SHROOM4: variants seen among roughly 807,000 people sequenced by gnomAD.
SHROOM4 encodes the protein protein Shroom4.
A neutral mutation model predicts 80.3 loss-of-function variants in SHROOM4; 17 were observed. The ratio of observed to expected loss-of-function variants is 0.21; its 90% CI spans 0.14 to 0.32. SHROOM4 has a LOEUF of 0.32. Ranked by LOEUF, SHROOM4 falls within the 10% of genes least tolerant of loss-of-function variation. The pLI, the probability that SHROOM4 is intolerant of heterozygous loss-of-function variation, is 1.00. For synonymous variants in SHROOM4, 400 were observed against 437.5 expected (o/e 0.91, Z 1.07); for missense variants, 993 against 1,140.3 (o/e 0.87, Z 1.86).
At chrX:50,805,764 T>C (rs782424887) in intron 1 of SHROOM4, among the ~76,000 whole-genome samples, 2 of 111,541 alleles carry the variant, frequency 1.8e-5, no homozygotes, top group African/African-American at 6.5e-5. Context: ...TAGCATGCCA[T>C]GATTATTCAG....
intron 1 of SHROOM4, among the ~76,000 whole-genome samples, chrX:50,716,344 T>G (rs922321807): frequency 8.1e-5 from 9 of 111,721 alleles, no homozygotes; most frequent in African/African-American, 1.9e-4. Context: ...ACAGAGATTT[T>G]AAGTGTTCTC....
chrX:50,641,459 G>A (rs782576129), intron 2 of SHROOM4, among the ~76,000 whole-genome samples: 24 of 112,198 alleles, frequency 2.1e-4, no homozygotes, highest in Non-Finnish European at 3.9e-4. Flanking sequence ...CAAGTGGTCA[G>A]TAAGTAGCAG....
chrX:50,793,920 G>A (rs1029622636), intron 1 of SHROOM4, among the ~76,000 whole-genome samples: 15 of 110,158 alleles, frequency 1.4e-4, no homozygotes, highest in African/African-American at 4.6e-4. Context: ...AAAGATGTGT[G>A]GTTCCCATAT....
At chrX:50,760,844 A>G (rs1935141827) in intron 1 of SHROOM4, among the ~76,000 whole-genome samples, 1 of 111,305 alleles carries the variant, frequency 9.0e-6, no homozygotes, top group African/African-American at 3.3e-5. Context: ...CTTTCTTTTT[A>G]TCAGGTTATT....
chrX:50,761,899 C>A (rs992832641), intron 1 of SHROOM4, among the ~76,000 whole-genome samples: 1 of 111,559 alleles, frequency 9.0e-6, no homozygotes, highest in East Asian at 2.8e-4. Context: ...CTGCTCATGT[C>A]CTTTGCCTCC....
rs782395031 is a variant in SHROOM4, at chrX:50,633,532, C to G, written c.2541G>C (p.Met847Ile). ...TGGGAGTTTCTGACTGAAGGGGTGA[C>G]ATGGAATGATATGATTGGTCTGTGG... ...YHATDQSYHSMSPLQSETPTY... is the reference protein window; with the variant it reads ...YHATDQSYHSISPLQSETPTY... Residue 847 changes from methionine to isoleucine, a missense_variant, in exon 4 of 9, where the codon ATG (methionine) becomes ATC (isoleucine). Physicochemically the swap from Met to Ile is conservative, Grantham distance 10. Coordinates refer to ENST00000376020, the MANE Select transcript of SHROOM4 (RefSeq NM_020717.5). The G allele has an allele frequency of 4.1e-6, 5 of 1,209,475 alleles. No individual in the cohort carries two copies. In the African/African-American group the frequency reaches 7.0e-5, roughly 17 times the overall value.
chrX:50,756,801 G>A (rs1557268417), intron 1 of SHROOM4, among the ~76,000 whole-genome samples: 2 of 111,631 alleles, frequency 1.8e-5, no homozygotes, highest in African/African-American at 6.5e-5. Context: ...TTGGATAAAT[G>A]TCTATTCAAA....
At chrX:50,785,859 G>A (rs1488241890) in intron 1 of SHROOM4, among the ~76,000 whole-genome samples, 1 of 111,034 alleles carries the variant, frequency 9.0e-6, no homozygotes, top group Non-Finnish European at 1.9e-5. Flanking sequence ...AAGTCAATTT[G>A]CCTGAATATC....
Position 50,633,909 on chromosome X carries a change from G to A in SHROOM4, c.2164C>T (p.Arg722Cys), listed in dbSNP as rs782710533. Residue 722 changes from arginine to cysteine, a missense_variant, in exon 4 of 9, where the codon CGT becomes TGT. By Grantham distance (180) the Arg-to-Cys change is radical. Transcript: ENST00000376020. ...GGAGACCATCTCCAATGACCTCCAC[G>A]GACTCCACAGTGAGCATGTGCTTTC... ...PEKAHAHCGV[R>C]GGHWRWSPEH... 6 of 1,210,011 alleles carry A rather than the reference G, an allele frequency of 5.0e-6. No homozygotes were observed. The highest frequency in any genetic ancestry group is 3.5e-5 in the South Asian group (2 of 56,773).
At chrX:50,773,286 AAG>A (rs1557269861) in intron 1 of SHROOM4, among the ~76,000 whole-genome samples, 1 of 112,493 alleles carries the variant, frequency 8.9e-6, no homozygotes, top group South Asian at 3.7e-4. Flanking sequence ...AACATGGCTT[AAG>A]GTTGAGGCCT....
Position 50,759,850 on chromosome X carries a change from A to G in SHROOM4, c.117+54052T>C, listed in dbSNP as rs782145396. On this transcript the variant is annotated intron_variant, in intron 1 of 8. Transcript: ENST00000376020. ...TTTAGGAGTATATTGTTTAATTCCC[A>G]CATATTTGTGAATTTCCCAAATTTC... Among the ~76,000 whole-genome samples the G allele has an allele frequency of 2.9e-3, 327 of 111,742 alleles. 1 individual carries two copies. Among genetic ancestry groups the G allele is most frequent in the African/African-American group, 0.01 (309 of 30,765 alleles).
intron 1 of SHROOM4, among the ~76,000 whole-genome samples, chrX:50,717,221 T>TTTTG (rs781862287): frequency 1.8e-5 from 2 of 111,575 alleles, no homozygotes; most frequent in African/African-American, 3.3e-5. Context: ...GCCATGGTTT[T>TTTTG]TTTGTTTGTT....
At position 50,608,145 on chromosome X, in the gene SHROOM4, G is replaced by A. The variant is rs782576591; in HGVS notation, c.2997C>T (p.Thr999=). 2.5e-6 allele frequency: 3 copies of A among 1,209,899 alleles called. No individual in the cohort carries two copies. In the African/African-American group the frequency reaches 5.2e-5, roughly 21 times the overall value. Residue 999 remains threonine (T), a synonymous_variant, in exon 6 of 9, where the codon ACC becomes ACT. Transcript: ENST00000376020. The part of the protein sequence containing the change: ...AHSKTSFSWA[T]PFHPCLENPA... ...GGTTCTCAAGGCAAGGATGGAAAGG[G>A]GTTGCCCATGAAAAGCTAGTCTTGG...
At chrX:50,683,185 C>CAT (rs1407502459) in intron 2 of SHROOM4, among the ~76,000 whole-genome samples, 19 of 111,117 alleles carry the variant, frequency 1.7e-4, no homozygotes, top group African/African-American at 4.6e-4. Flanking sequence ...TGTGTGTGTG[C>CAT]ATATATATAT....
intron 5 of SHROOM4, among the ~76,000 whole-genome samples, chrX:50,622,871 T>C (rs1338498534): frequency 1.8e-5 from 2 of 112,501 alleles, no homozygotes; most frequent in African/African-American, 6.5e-5. Flanking sequence ...GTTTTAAACT[T>C]AATTCAGTTT....
chrX:50,611,230 G>A (rs1159445787), intron 5 of SHROOM4, among the ~76,000 whole-genome samples: 3 of 94,823 alleles, frequency 3.2e-5, no homozygotes, highest in Non-Finnish European at 6.0e-5. Flanking sequence ...CTCACTGCAA[G>A]CTCCGCCTCC....
At chrX:50,612,404 G>A (rs1331603066) in intron 5 of SHROOM4, among the ~76,000 whole-genome samples, 1 of 111,343 alleles carries the variant, frequency 9.0e-6, no homozygotes, top group African/African-American at 3.3e-5. Context: ...GTATAAATTT[G>A]ACCAAAAATA....
At chrX:50,779,192 A>G (rs924660475) in intron 1 of SHROOM4, among the ~76,000 whole-genome samples, 1 of 112,128 alleles carries the variant, frequency 8.9e-6, no homozygotes, top group African/African-American at 3.2e-5. Context: ...CTCCTCAGCA[A>G]GATTAATGGT....
At chrX:50,813,305 G>T (rs1557273665) in intron 1 of SHROOM4, among the ~76,000 whole-genome samples, 1 of 111,819 alleles carries the variant, frequency 8.9e-6, no homozygotes, top group African/African-American at 3.2e-5. Context: ...CTGGAGGGAG[G>T]GAGAGGCCGA....
Sources: allele counts gnomAD v4.1 joint callset (sites outside exome capture counted in the v4.1 genomes callset), GRCh38; gene constraint gnomAD v4.1.1; transcripts MANE v1.5; gene names NCBI Gene and HGNC (gene_info 2026-07-23, HGNC 2026-07-21).